The following ZNF385A variants were observed in gnomAD, a reference collection of about 807,000 sequenced individuals.
The protein encoded by ZNF385A is hematopoietic zinc finger protein.
A neutral mutation model predicts 32.1 loss-of-function variants in ZNF385A; 14 were observed. The observed-to-expected ratio is 0.44, with a 90% confidence interval of 0.29 to 0.68. ZNF385A has a LOEUF of 0.68. Ranked by LOEUF, ZNF385A falls within the 30% of genes least tolerant of loss-of-function variation. The probability of loss-of-function intolerance (pLI) is 0.14; values close to 1 mark genes in which losing one functional copy is unlikely to be tolerated. For missense variants in ZNF385A, 406 were observed against 478.4 expected (o/e 0.85, Z 1.41); for synonymous variants, 197 against 202.7 (o/e 0.97, Z 0.24).
intron 3 of ZNF385A, chr12:54,372,971 G>A (rs1954629346): frequency 1.1e-5 from 2 of 178,964 alleles, no homozygotes; most frequent in Non-Finnish European, 1.2e-5. Flanking sequence ...CCTGGGAGGT[G>A]GAGGTTGCAG....
At chr12:54,374,186 C>T (rs761694894) in intron 2 of ZNF385A, 51 bp from the exon 3 acceptor site, 10 of 1,373,616 alleles carry the variant, frequency 7.3e-6, no homozygotes, top group South Asian at 3.2e-5. Context: ...TTCATCTGAC[C>T]GATCTCCCCA....
rs959789537 is a variant in ZNF385A, at chr12:54,370,071, T to TC, written c.*184dup. 1.3e-4 allele frequency: 61 copies of TC among 474,290 alleles called. No homozygotes were observed. In the Middle Eastern group the frequency reaches 2.8e-3, roughly 22 times the overall value. The allele number at this position is 474,290 out of a possible 1,614,324, so 29.4% of individuals were successfully genotyped here. On this transcript the variant is annotated 3_prime_UTR_variant, in exon 7 of 7. Transcript: ENST00000394313. This position sits in a 1 kb window ranked among gnomAD's most constrained non-coding sequence, Gnocchi z 5.5. ...CGGGGTTCCCTGAGATCTGGGGTGTTCCCCCCCTTCTGAAGCCCCCCTCCC... is the reference window on the plus strand; with the variant it reads ...CGGGGTTCCCTGAGATCTGGGGTGTTCCCCCCCCTTCTGAAGCCCCCCTCCC...
chr12:54,388,084 G>GTGTGTGTGT, upstream of ZNF385A, among the ~76,000 whole-genome samples: 1 of 115,874 alleles, frequency 8.6e-6, no homozygotes, highest in South Asian at 2.8e-4. Flanking sequence ...TGTGTGTGTG[G>GTGTGTGTGT]CACCCATGTC....
upstream of ZNF385A, among the ~76,000 whole-genome samples, chr12:54,389,524 T>C (rs1169440872): frequency 6.6e-6 from 1 of 152,158 alleles, no homozygotes; most frequent in Non-Finnish European, 1.5e-5. Flanking sequence ...TGTGGTCCAG[T>C]TTCAGAAAAT....
chr12:54,384,461 G>A lies in ZNF385A; in HGVS notation c.54C>T (p.Ala18=). ...AGTTGCTGAAGAGGCCAAGGGTAGG[G>A]GCTGGCTCGAGTGGGAAGGGCAGGA... The part of the protein sequence containing the change: ...KQILPFPLEP[A]PTLGLFSNYS... Residue 18 remains alanine (A), a synonymous_variant, in exon 1 of 7, where the codon GCC becomes GCT. Transcript: ENST00000394313. 6.3e-7 allele frequency: 1 copy of A among 1,591,778 alleles called. No homozygotes were observed. Among genetic ancestry groups the A allele is most frequent in the Non-Finnish European group, 8.5e-7 (1 of 1,169,680 alleles).
chr12:54,384,873 G>A (rs1168608908), upstream of ZNF385A: 2 of 1,104,154 alleles, frequency 1.8e-6, no homozygotes, highest in Non-Finnish European at 2.2e-6. Context: ...TCTGCAGGCT[G>A]CCTGCTGAAC....
chr12:54,370,343 C>T lies in ZNF385A; in HGVS notation c.1014G>A (p.Gln338=). 1.3e-6 allele frequency: 2 copies of T among 1,503,248 alleles called. No homozygotes were observed. 93.1% of individuals were successfully genotyped at this position (1,503,248 alleles called of 1,614,324 possible). Residue 338 remains glutamine (Q), a synonymous_variant, in exon 7 of 7, where the codon CAG becomes CAA. Transcript: ENST00000394313. This position sits in a 1 kb window ranked among gnomAD's most constrained non-coding sequence, Gnocchi z 5.5. The part of the protein sequence containing the change: ...LRPAPAAPLL[Q]GPPITHPLLH... The stretch of plus-strand genomic sequence containing the variant: ...GCAGAGGGTGAGTGATCGGCGGTCC[C>T]TGGAGAAGAGGTGCGGCTGGAGCCG...
chr12:54,380,253 G>A (rs1955076463), intron 1 of ZNF385A, among the ~76,000 whole-genome samples: 2 of 152,236 alleles, frequency 1.3e-5, no homozygotes, highest in Admixed American at 1.3e-4. Flanking sequence ...CCCTTGCAAT[G>A]TGCCAGCTTC....
At chr12:54,378,234 G>A (rs576957012) in intron 1 of ZNF385A, among the ~76,000 whole-genome samples, 1 of 152,268 alleles carries the variant, frequency 6.6e-6, no homozygotes, top group African/African-American at 2.4e-5. Context: ...GGTGGAATGT[G>A]AGCCACTGAA....
intron 1 of ZNF385A, among the ~76,000 whole-genome samples, chr12:54,384,004 A>C (rs1289515802): frequency 6.6e-6 from 1 of 152,088 alleles, no homozygotes; most frequent in Non-Finnish European, 1.5e-5. Flanking sequence ...GATGCTACCC[A>C]CCCAGCCGTG....
At chr12:54,376,067 A>C in intron 1 of ZNF385A, 113 bp from the exon 2 acceptor site, 2 of 779,616 alleles carry the variant, frequency 2.6e-6, no homozygotes, top group Non-Finnish European at 4.4e-6. Context: ...CTATCCCTTA[A>C]TATGCCTGAG....
In ZNF385A at chr12:54,370,736, G is replaced by A; in HGVS notation, c.775-15C>T. 1 of 1,580,450 alleles carries A rather than the reference G, an allele frequency of 6.3e-7. No homozygotes were observed. ...CTGGAGATGTGCTGCGGGGGCCAGT[G>A]GATAGGGGGCTGTGAGCTCCCGGAA... On this transcript the variant is annotated splice_polypyrimidine_tract_variant and intron_variant, in intron 5 of 6. Coordinates refer to ENST00000394313, the MANE Select transcript of ZNF385A (RefSeq NM_015481.3). This position sits in a 1 kb window ranked among gnomAD's most constrained non-coding sequence, Gnocchi z 5.5.
intron 1 of ZNF385A, among the ~76,000 whole-genome samples, chr12:54,377,763 C>G (rs1487394446): frequency 6.6e-6 from 1 of 152,114 alleles, no homozygotes; most frequent in Non-Finnish European, 1.5e-5. Context: ...TTCTCCTCAG[C>G]CCTGGGCTTC....
chr12:54,370,287 G>T lies in ZNF385A; in HGVS notation c.1070C>A (p.Ala357Glu). 3 of 1,475,510 alleles carry T rather than the reference G, an allele frequency of 2.0e-6. No individual in the cohort carries two copies. The allele number at this position is 1,475,510 out of a possible 1,614,324, so 91.4% of individuals were successfully genotyped here. A position where few individuals can be genotyped will look rare whatever the true frequency, so the allele number is the denominator to read the frequency against. The change falls in exon 7 of 7, where the codon GCG becomes GAG. Residue 357 changes from alanine to glutamate, a missense_variant. Coordinates refer to ENST00000394313, the MANE Select transcript of ZNF385A (RefSeq NM_015481.3). The surrounding 1 kb of genome is among the most constrained non-coding windows in gnomAD (Gnocchi z 5.5). ...LHPAPGPIRT[A>E]HGPILFSPY ...CGGGGAGAAGAGGATGGGTCCGTGC[G>T]CAGTTCGGATGGGTCCGGGGGCCGG...
intron 1 of ZNF385A, among the ~76,000 whole-genome samples, chr12:54,376,859 TCTC>T (rs1412888556): frequency 6.6e-6 from 1 of 152,114 alleles, no homozygotes; most frequent in Non-Finnish European, 1.5e-5. Context: ...CCTCAACAGT[TCTC>T]CTCCCTTTTG....
upstream of ZNF385A, chr12:54,385,767 C>T: frequency 1.7e-6 from 1 of 575,788 alleles, no homozygotes; most frequent in Non-Finnish European, 2.2e-6. Flanking sequence ...TTGGTTCTGC[C>T]CTCTGCCCCC....
At chr12:54,379,592 G>A (rs573309524) in intron 1 of ZNF385A, among the ~76,000 whole-genome samples, 3 of 152,062 alleles carry the variant, frequency 2.0e-5, no homozygotes, top group African/African-American at 4.8e-5. Context: ...CTCTGCAAAC[G>A]GCGGCCCCTA....
In ZNF385A at chr12:54,375,910, T is replaced by C. The variant is rs771698908; in HGVS notation, c.132A>G (p.Gly44=). 3 of 1,613,776 alleles carry C rather than the reference T, an allele frequency of 1.9e-6. No homozygotes were observed. Among genetic ancestry groups the C allele is most frequent in the South Asian group, 1.1e-5 (1 of 91,076 alleles). The change falls in exon 2 of 7, where the codon GGA becomes GGG. Residue 44 remains glycine, a synonymous_variant. Coordinates refer to ENST00000394313, the MANE Select transcript of ZNF385A (RefSeq NM_015481.3). ...QKAVLSHTFG[G]PLLKTKRPVI... is the part of the protein sequence containing the mutation. ...CGGGCCGCTTGGTCTTGAGCAAGGG[T>C]CCCCCAAAAGTGTGGGAGAGCACAG...
chr12:54,371,733 A>G lies in ZNF385A; in HGVS notation c.362-18T>C, dbSNP rs1296796765. 1.2e-6 allele frequency: 2 copies of G among 1,610,790 alleles called. No individual in the cohort carries two copies. The highest frequency in any genetic ancestry group is 2.7e-5 in the African/African-American group (2 of 74,624). On this transcript the variant is annotated intron_variant, in intron 3 of 6. Coordinates refer to ENST00000394313, the MANE Select transcript of ZNF385A (RefSeq NM_015481.3). ...CATGGAAACTGTTGTTGGGGGAGAA[A>G]CATGGGGATCACCCTAGATGGCTCT...
Sources: allele counts gnomAD v4.1 joint callset (sites outside exome capture counted in the v4.1 genomes callset), GRCh38; gene constraint gnomAD v4.1.1; non-coding constraint Gnocchi (gnomAD v3.1); transcripts MANE v1.5; gene names NCBI Gene and HGNC (gene_info 2026-07-23, HGNC 2026-07-21).